RAPGEFL1: variants seen among roughly 807,000 people sequenced by gnomAD.
RAPGEFL1 encodes the protein rap guanine nucleotide exchange factor-like 1.
Under a neutral mutation model 64.4 loss-of-function variants are expected in RAPGEFL1, and 31 were observed. That is an observed-to-expected ratio of 0.48 (90% confidence interval 0.36 to 0.65). The LOEUF is 0.65. Among genes scored for constraint, RAPGEFL1 ranks in the 30% least tolerant of loss-of-function variants. The probability of loss-of-function intolerance (pLI) is 0.00; values close to 1 mark genes in which losing one functional copy is unlikely to be tolerated. For synonymous variants in RAPGEFL1, 331 were observed against 274.1 expected (o/e 1.21, Z -2.05); for missense variants, 682 against 677.4 (o/e 1.01, Z -0.08).
At chr17:40,186,063 C>G (rs889541477) in intron 4 of RAPGEFL1, among the ~76,000 whole-genome samples, 1 of 149,308 alleles carries the variant, frequency 6.7e-6, no homozygotes, top group Non-Finnish European at 1.5e-5. Context: ...ATCATGAGAT[C>G]AGGAGTTCGA....
chr17:40,178,788 CCT>C, intron 1 of RAPGEFL1, among the ~76,000 whole-genome samples: 2 of 152,192 alleles, frequency 1.3e-5, no homozygotes, highest in African/African-American at 4.8e-5. Context: ...CCCTGAAAAC[CCT>C]GGGGTCCCTG....
In RAPGEFL1 at chr17:40,194,490, G is replaced by C. The variant is rs1270460844; in HGVS notation, c.*702G>C. On this transcript the variant is annotated 3_prime_UTR_variant, in exon 15 of 15. Transcript: ENST00000620260. ...CTTGTGAGCCAAGCTGCTTTTTGGGGCAGGGAGTAGCAGCAGGTGGGAGGG... is the reference window on the plus strand; with the variant it reads ...CTTGTGAGCCAAGCTGCTTTTTGGGCCAGGGAGTAGCAGCAGGTGGGAGGG... 6.5e-6 allele frequency: 1 copy of C among 152,910 alleles called. No individual in the cohort carries two copies. The highest frequency in any genetic ancestry group is 2.4e-5 in the African/African-American group (1 of 41,392). The allele number at this position is 152,910 out of a possible 1,614,324, so 9.5% of individuals were successfully genotyped here.
intron 2 of RAPGEFL1, 127 bp downstream of exon 2, chr17:40,181,821 C>T: frequency 1.6e-6 from 1 of 607,500 alleles, no homozygotes; most frequent in Non-Finnish European, 3.0e-6. Context: ...GTGGCTCACA[C>T]CTGTAATCCC....
intron 5 of RAPGEFL1, 73 bp downstream of exon 5, chr17:40,189,051 C>A: frequency 1.3e-6 from 2 of 1,490,672 alleles, no homozygotes; most frequent in Admixed American, 1.7e-5. Context: ...TCTTGAGCAC[C>A]CTCAGTGGCA....
intron 2 of RAPGEFL1, among the ~76,000 whole-genome samples, chr17:40,183,781 A>G (rs1021581684): frequency 2.8e-4 from 41 of 148,826 alleles, no homozygotes; most frequent in African/African-American, 9.1e-4. Context: ...TCAGCCTTGC[A>G]AAGGGCTGGG....
At chr17:40,192,125 C>A in intron 10 of RAPGEFL1, 88 bp from the exon 11 acceptor site, 2 of 1,289,904 alleles carry the variant, frequency 1.6e-6, no homozygotes, top group South Asian at 1.2e-5. Context: ...GCCCTTTTGC[C>A]CTCCAACAGG....
At position 40,191,724 on chromosome 17, in the gene RAPGEFL1, C is replaced by G; in HGVS notation, c.1605+52C>G. ...TGGGAATCTGGGCATCCCGGGCTCC[C>G]CGAAGTGCGTCCTCCCGGGACGGCC... On this transcript the variant is annotated intron_variant, in intron 10 of 14. Coordinates refer to ENST00000620260, the MANE Select transcript of RAPGEFL1 (RefSeq NM_016339.6). This position sits in a 1 kb window ranked among gnomAD's most constrained non-coding sequence, Gnocchi z 5.1. 6.5e-7 allele frequency: 1 copy of G among 1,547,466 alleles called. No homozygotes were observed. The highest frequency in any genetic ancestry group is 8.8e-7 in the Non-Finnish European group (1 of 1,135,270).
intron 4 of RAPGEFL1, among the ~76,000 whole-genome samples, chr17:40,185,540 A>AAAAT (rs368909635): frequency 1.4e-5 from 2 of 147,390 alleles, no homozygotes; most frequent in African/African-American, 5.2e-5. Flanking sequence ...AAAAAAAAAA[A>AAAAT]GGCTGTGTGC....
rs1279383437 is a variant in RAPGEFL1 at position 40,192,260 on chromosome 17, G to T, written c.1653G>T (p.Leu551=). The part of the protein sequence containing the change: ...FKNLFRKFEN[L]TDPCRNHKSY... ...ACTTGTTTCGCAAATTTGAGAACCT[G>T]ACGGTGAGTGGGTTTGGCTCTTTCT... Residue 551 remains leucine, a synonymous_variant, in exon 11 of 15, where the codon CTG becomes CTT. Coordinates refer to ENST00000620260, the MANE Select transcript of RAPGEFL1 (RefSeq NM_016339.6). The T allele has an allele frequency of 3.1e-6, 5 of 1,613,964 alleles. No homozygotes were observed. Among genetic ancestry groups the T allele is most frequent in the Non-Finnish European group, 4.2e-6 (5 of 1,179,824 alleles).
Position 40,178,281 on chromosome 17 carries a change from G to T in RAPGEFL1, c.420G>T (p.Pro140=). 1.5e-6 allele frequency: 1 copy of T among 646,950 alleles called. No individual in the cohort carries two copies. The highest frequency in any genetic ancestry group is 2.8e-6 in the Non-Finnish European group (1 of 355,878). 40.1% of individuals were successfully genotyped at this position (646,950 alleles called of 1,614,324 possible). A position where few individuals can be genotyped will look rare whatever the true frequency, so the allele number is the denominator to read the frequency against. Residue 140 remains proline (P), a synonymous_variant, in exon 1 of 15, where the codon CCG becomes CCT. Coordinates refer to ENST00000620260, the MANE Select transcript of RAPGEFL1 (RefSeq NM_016339.6). ...CCCCAGGCGAGCCCTTGACTTCGCC[G>T]CCCTGGGCCCCTCTGGGCGCCCCCG... ...ELSPGEPLTS[P]PWAPLGAPER...
Position 40,193,812 on chromosome 17 carries a change from G to C in RAPGEFL1, c.*24G>C. The C allele has an allele frequency of 6.2e-7, 1 of 1,613,514 alleles. No homozygotes were observed. The highest frequency in any genetic ancestry group is 8.5e-7 in the Non-Finnish European group (1 of 1,179,762). On this transcript the variant is annotated 3_prime_UTR_variant, in exon 15 of 15. Transcript: ENST00000620260. Reference sequence around the variant, plus strand: ...GAGAGTGGAGGCTCCAGTCAGACCCGCCAGATCCTTGGGCACCTGGCACTC... The same window carrying C: ...GAGAGTGGAGGCTCCAGTCAGACCCCCCAGATCCTTGGGCACCTGGCACTC...
In RAPGEFL1 at chr17:40,184,327, A is replaced by G. The variant is rs1250472095; in HGVS notation, c.713A>G (p.Glu238Gly). The G allele has an allele frequency of 1.2e-6, 2 of 1,612,746 alleles. No individual in the cohort carries two copies. The highest frequency in any genetic ancestry group is 3.4e-5 in the Admixed American group (2 of 59,680). The change falls in exon 3 of 15, where the codon GAG becomes GGG. Residue 238 changes from glutamate to glycine, a missense_variant. Around this residue, in one of 2 missense-constraint regions of RAPGEFL1, gnomAD observed 271 missense variants for 158.0 expected, o/e 1.72. Coordinates refer to ENST00000620260, the MANE Select transcript of RAPGEFL1 (RefSeq NM_016339.6). ...TACCAGGGGCTGCTTCAAGAGGAAG[A>G]GGGGGCCGGCCACATCATCAAGGTG... ...DTYQGLLQEE[E>G]GAGHIIKDLY... is the part of the protein sequence containing the mutation.
At chr17:40,184,965 T>C (rs1990017713) in intron 4 of RAPGEFL1, among the ~76,000 whole-genome samples, 1 of 152,058 alleles carries the variant, frequency 6.6e-6, no homozygotes, top group Non-Finnish European at 1.5e-5. Context: ...TTAGTAGAGA[T>C]GGGTTTCACC....
chr17:40,189,098 C>A, intron 5 of RAPGEFL1, 110 bp from the exon 6 acceptor site: 1 of 1,470,352 alleles, frequency 6.8e-7, no homozygotes, highest in Non-Finnish European at 9.5e-7. Context: ...TTTCACAGGA[C>A]CTTCTTCAGA....
Position 40,190,664 on chromosome 17 carries a change from G to C in RAPGEFL1, c.1237G>C (p.Val413Leu), listed in dbSNP as rs1245647837. ...GGTGCCCCTCCCCGAGGAGATCCAG[G>C]TCTCCCCTGGAGACACAGAGATCCA... ...ALVPLPEEIQ[V>L]SPGDTEIHRV... Residue 413 changes from valine to leucine, a missense_variant, in exon 8 of 15, where the codon GTC becomes CTC. Around this residue, in one of 2 missense-constraint regions of RAPGEFL1, gnomAD observed 411 missense variants for 519.4 expected, o/e 0.79. Coordinates refer to ENST00000620260, the MANE Select transcript of RAPGEFL1 (RefSeq NM_016339.6). 6.2e-7 allele frequency: 1 copy of C among 1,614,032 alleles called. No individual in the cohort carries two copies. Among genetic ancestry groups the C allele is most frequent in the African/African-American group, 1.3e-5 (1 of 74,912 alleles).
At chr17:40,186,574 CAAAAAAAAAAAAAAAAAAAAAAAA>C (rs146110920) in intron 4 of RAPGEFL1, among the ~76,000 whole-genome samples, 1 of 26,274 alleles carries the variant, frequency 3.8e-5, no homozygotes, top group African/African-American at 9.3e-5. Context: ...GACTCCGTCT[CAAAAAAAAAAAAAAAAAAAAAAAA>C]AAAAAAAAAA....
At chr17:40,177,148 T>G, upstream of RAPGEFL1, 1 of 702,610 alleles carries the variant, frequency 1.4e-6, no homozygotes, top group Non-Finnish European at 2.6e-6. Flanking sequence ...GTGCACACTC[T>G]TGGGTTCAGC....
Position 40,191,225 on chromosome 17 carries a change from T to A in RAPGEFL1, c.1336-91T>A. On this transcript the variant is annotated intron_variant, in intron 8 of 14. Transcript: ENST00000620260. This position sits in a 1 kb window ranked among gnomAD's most constrained non-coding sequence, Gnocchi z 5.1. ...CCCCTTCCGCCCCCGCCCTCCTGCC[T>A]TTCGCTCCTCATCGCCTTGCACTGC... 1.5e-5 allele frequency: 15 copies of A among 1,026,638 alleles called. No homozygotes were observed. The highest frequency in any genetic ancestry group is 1.6e-5 in the Non-Finnish European group (12 of 751,882). The allele number at this position is 1,026,638 out of a possible 1,614,324, so 63.6% of individuals were successfully genotyped here. A position where few individuals can be genotyped will look rare whatever the true frequency, so the allele number is the denominator to read the frequency against.
chr17:40,182,702 C>G (rs1989930489), intron 2 of RAPGEFL1, among the ~76,000 whole-genome samples: 1 of 152,200 alleles, frequency 6.6e-6, no homozygotes, highest in Non-Finnish European at 1.5e-5. Context: ...ATGATGGGGT[C>G]TGATGTAAAC....
Sources: gnomAD v4.1 joint callset for allele counts (sites outside exome capture counted in the v4.1 genomes callset) on GRCh38, gnomAD v4.1.1 for gene constraint, gnomAD v4.1.1 regional missense constraint, Gnocchi (gnomAD v3.1) non-coding constraint, MANE v1.5 for transcripts, NCBI Gene and HGNC (gene_info 2026-07-23, HGNC 2026-07-21) for gene names.